Variants in TENM4 observed in about 807,000 individuals in gnomAD.
TENM4 encodes the protein teneurin-4.
TENM4 carries 82 observed loss-of-function variants against 243.3 expected under a neutral mutation model. The observed-to-expected ratio is 0.34, with a 90% confidence interval of 0.28 to 0.40. TENM4 has a LOEUF of 0.40. TENM4 is among the 10% of genes least tolerant of loss of function. The pLI, the probability that TENM4 is intolerant of heterozygous loss-of-function variation, is 1.00. For missense variants in TENM4, 3,138 were observed against 3,673.3 expected (o/e 0.85, Z 3.77); for synonymous variants, 1,412 against 1,456.3 (o/e 0.97, Z 0.69).
intron 6 of TENM4, among the ~76,000 whole-genome samples, chr11:78,913,583 ATGTGTGTGTGTGTGTGTGTG>A (rs55835050): frequency 6.3e-5 from 9 of 141,936 alleles, no homozygotes; most frequent in South Asian, 2.4e-4. Flanking sequence ...GGTAAGAGGT[ATGTGTGTGTGTGTGTGTGTG>A]TGTGTGTGTG....
rs777521844 is a variant in TENM4, at chr11:78,669,615, G to C, written c.6730C>G (p.Arg2244Gly). ...LTPLRYDIRD[R>G]ITRLGDVQYK... ...TGCACGTCACCCAGCCGAGTGATGC[G>C]GTCGCGGATGTCATACCGTAGTGGT... The change falls in exon 32 of 34, where the codon CGC (arginine) becomes GGC (glycine). Residue 2244 changes from arginine (R) to glycine (G), a missense_variant. By Grantham distance (125) the Arg-to-Gly change is moderately radical. This residue lies in a region of TENM4 where 2,467 missense variants were observed against 3,059.1 expected (regional missense o/e 0.81). Transcript: ENST00000278550. This position sits in a 1 kb window ranked among gnomAD's most constrained non-coding sequence, Gnocchi z 6.4. 2.5e-6 allele frequency: 4 copies of C among 1,613,804 alleles called. No individual in the cohort carries two copies. Among genetic ancestry groups the C allele is most frequent in the South Asian group, 2.2e-5 (2 of 91,080 alleles).
intron 2 of TENM4, among the ~76,000 whole-genome samples, chr11:79,225,491 CAT>C (rs1271917197): frequency 6.6e-6 from 1 of 152,152 alleles, no homozygotes; most frequent in Non-Finnish European, 1.5e-5. Context: ...TAGCTCACTG[CAT>C]GCAGCCTCTG....
intron 1 of TENM4, chr11:79,422,313 C>T (rs1238724907): frequency 2.0e-5 from 3 of 150,568 alleles, no homozygotes; most frequent in Non-Finnish European, 4.4e-5. Flanking sequence ...AGCAGTCCAG[C>T]TCAGTAGAAG....
chr11:78,769,983 C>A (rs1460150641), intron 18 of TENM4, among the ~76,000 whole-genome samples: 1 of 152,218 alleles, frequency 6.6e-6, no homozygotes, highest in Non-Finnish European at 1.5e-5. Context: ...GAGTTTCTGA[C>A]CTATTGATTT....
At chr11:79,265,325 AG>A (rs1444932998) in intron 2 of TENM4, among the ~76,000 whole-genome samples, 1 of 152,158 alleles carries the variant, frequency 6.6e-6, no homozygotes, top group African/African-American at 2.4e-5. Flanking sequence ...AGACTTTAGG[AG>A]TCTAGGCCTG....
At chr11:79,351,066 A>G (rs1182927832) in intron 1 of TENM4, among the ~76,000 whole-genome samples, 1 of 151,972 alleles carries the variant, frequency 6.6e-6, no homozygotes, top group Non-Finnish European at 1.5e-5. Flanking sequence ...TCATGGGCCT[A>G]CCTCAAGGCT....
chr11:79,196,896 G>A (rs190105763), intron 3 of TENM4, among the ~76,000 whole-genome samples: 2 of 152,318 alleles, frequency 1.3e-5, no homozygotes, highest in East Asian at 3.9e-4. Context: ...CCTTGTAGCA[G>A]TAGCCTCAGC....
At chr11:79,398,451 C>T (rs992419151) in intron 1 of TENM4, among the ~76,000 whole-genome samples, 2 of 152,032 alleles carry the variant, frequency 1.3e-5, no homozygotes, top group African/African-American at 4.8e-5. Context: ...CCTGGGCAGA[C>T]CATCTAACCT....
At chr11:78,771,473 C>A (rs991807571) in intron 17 of TENM4, among the ~76,000 whole-genome samples, 8 of 152,174 alleles carry the variant, frequency 5.3e-5, no homozygotes, top group Admixed American at 2.0e-4. Context: ...CAGAATCTAA[C>A]CAATGGAGCT....
intron 1 of TENM4, among the ~76,000 whole-genome samples, chr11:79,327,094 A>T (rs1856986837): frequency 6.6e-6 from 1 of 152,216 alleles, no homozygotes; most frequent in East Asian, 1.9e-4. Context: ...ACAGAACATT[A>T]ATCTCCAGAA....
intron 6 of TENM4, among the ~76,000 whole-genome samples, chr11:79,004,679 C>T (rs995316292): frequency 5.3e-5 from 8 of 152,022 alleles, no homozygotes; most frequent in African/African-American, 1.7e-4. Context: ...CCGAACATCA[C>T]ACCTACACTA....
chr11:78,772,351 C>T (rs1856662337), intron 17 of TENM4, among the ~76,000 whole-genome samples: 1 of 152,096 alleles, frequency 6.6e-6, no homozygotes, highest in Non-Finnish European at 1.5e-5. Context: ...ATTAACAATC[C>T]TGCCAACCCC....
chr11:78,875,360 T>C (rs1859243891), intron 9 of TENM4, among the ~76,000 whole-genome samples: 1 of 152,130 alleles, frequency 6.6e-6, no homozygotes, highest in Non-Finnish European at 1.5e-5. Context: ...TGCACCACCA[T>C]GCCCAGCTGA....
At chr11:79,122,602 G>A (rs1462969558) in intron 4 of TENM4, among the ~76,000 whole-genome samples, 2 of 152,240 alleles carry the variant, frequency 1.3e-5, no homozygotes, top group East Asian at 3.9e-4. Context: ...TGACAGTAAA[G>A]GGTGCTACCA....
intron 3 of TENM4, among the ~76,000 whole-genome samples, chr11:79,162,868 G>A (rs1372445722): frequency 1.3e-5 from 2 of 152,246 alleles, no homozygotes; most frequent in Admixed American, 6.5e-5. Flanking sequence ...GAGCCATGCA[G>A]CCTGGTCAAG....
At chr11:78,788,449 C>A (rs548089949) in intron 15 of TENM4, among the ~76,000 whole-genome samples, 1 of 152,376 alleles carries the variant, frequency 6.6e-6, no homozygotes, top group African/African-American at 2.4e-5. Flanking sequence ...GGATCCTATG[C>A]CAGGCTCAGG....
At position 78,653,026 on chromosome 11, in the gene TENM4, A is replaced by T. The variant is rs1857807960; in HGVS notation, c.*5032T>A. 6.6e-6 allele frequency: 1 copy of T among 152,180 alleles called. No individual in the cohort carries two copies. The highest frequency in any genetic ancestry group is 2.4e-5 in the African/African-American group (1 of 41,444). The allele number at this position is 152,180 out of a possible 1,614,324, so 9.4% of individuals were successfully genotyped here. ...GATGGGGAGCCACGCTGCACTAGTG[A>T]TGTCAGAGGAGCTGTGATATTTATT... On this transcript the variant is annotated 3_prime_UTR_variant, in exon 34 of 34. Transcript: ENST00000278550.
intron 2 of TENM4, among the ~76,000 whole-genome samples, chr11:79,252,253 G>C (rs1395534599): frequency 1.3e-5 from 2 of 152,018 alleles, no homozygotes; most frequent in African/African-American, 4.8e-5. Flanking sequence ...TTTCTTTTTT[G>C]AGACTGAGTC....
chr11:79,087,741 T>C (rs536091584), intron 4 of TENM4, among the ~76,000 whole-genome samples: 1 of 152,362 alleles, frequency 6.6e-6, no homozygotes, highest in Non-Finnish European at 1.5e-5. Flanking sequence ...ATTCTCAGAA[T>C]GTCCTTAATC....
Sources: allele counts gnomAD v4.1 joint callset (sites outside exome capture counted in the v4.1 genomes callset), GRCh38; gene constraint gnomAD v4.1.1; regional missense constraint gnomAD v4.1.1; non-coding constraint Gnocchi (gnomAD v3.1); transcripts MANE v1.5; gene names NCBI Gene and HGNC (gene_info 2026-07-23, HGNC 2026-07-21).